Variants in SIPA1L3 observed in about 807,000 individuals in gnomAD.
The protein encoded by SIPA1L3 is signal induced proliferation associated 1 like 3.
SIPA1L3 carries 59 observed loss-of-function variants against 150.1 expected under a neutral mutation model. The ratio of observed to expected loss-of-function variants is 0.39; its 90% CI spans 0.32 to 0.49. The LOEUF is 0.49. Among genes scored for constraint, SIPA1L3 ranks in the 20% least tolerant of loss-of-function variants. The pLI is 0.86. For missense variants in SIPA1L3, 2,211 were observed against 2,489.5 expected (o/e 0.89, Z 2.38); for synonymous variants, 1,070 against 1,077.6 (o/e 0.99, Z 0.14).
At chr19:37,920,334 G>T (rs996415786) in intron 1 of SIPA1L3, among the ~76,000 whole-genome samples, 1 of 152,094 alleles carries the variant, frequency 6.6e-6, no homozygotes, top group African/African-American at 2.4e-5. Context: ...TGAGATTACA[G>T]GCATGAGCCC....
At chr19:37,959,066 A>T (rs923101753) in intron 1 of SIPA1L3, among the ~76,000 whole-genome samples, 9 of 152,248 alleles carry the variant, frequency 5.9e-5, no homozygotes, top group African/African-American at 2.2e-4. Context: ...GAACCCTCAT[A>T]CATGGCTGGT....
intron 9 of SIPA1L3, among the ~76,000 whole-genome samples, chr19:38,125,707 C>T (rs1971155831): frequency 1.3e-5 from 2 of 152,306 alleles, no homozygotes; most frequent in South Asian, 2.1e-4. Context: ...ACACTCTCCC[C>T]GGCAGGCTGA....
Position 38,164,632 on chromosome 19 carries a change from G to A in SIPA1L3, c.3934G>A (p.Asp1312Asn), listed in dbSNP as rs143141927. The A allele has an allele frequency of 3.0e-4, 492 of 1,613,784 alleles. No individual in the cohort carries two copies. Among genetic ancestry groups the A allele is most frequent in the Non-Finnish European group, 4.0e-4 (471 of 1,179,964 alleles). The part of the protein sequence containing the change: ...SKGGSSDSGI[D>N]TTLYTSSPSC... Reference sequence around the variant, plus strand: ...GGGTGGCTCTAGTGACAGCGGCATCGACACCACCCTCTACACCTCCAGCCC... The same window carrying A: ...GGGTGGCTCTAGTGACAGCGGCATCAACACCACCCTCTACACCTCCAGCCC... The change falls in exon 15 of 22, where the codon GAC (aspartate) becomes AAC (asparagine). Residue 1312 changes from aspartate (D) to asparagine (N), a missense_variant. By Grantham distance (23) the Asp-to-Asn change is conservative. Transcript: ENST00000222345. This position sits in a 1 kb window ranked among gnomAD's most constrained non-coding sequence, Gnocchi z 4.1.
In SIPA1L3 at chr19:37,957,025, C is replaced by T. The variant is rs188672319; in HGVS notation, c.-379+49667C>T. Reference sequence around the variant, plus strand: ...TTTTTGCGTATTAATATCCAATTATCCCAGCTCCATTTGTTGAAAAAAAGA... The same window carrying T: ...TTTTTGCGTATTAATATCCAATTATTCCAGCTCCATTTGTTGAAAAAAAGA... On this transcript the variant is annotated intron_variant, in intron 1 of 21. Coordinates refer to ENST00000222345, the MANE Select transcript of SIPA1L3 (RefSeq NM_015073.3). Among the ~76,000 whole-genome samples the T allele has an allele frequency of 2.0e-5, 3 of 152,158 alleles. No individual in the cohort carries two copies. The East Asian group carries it at 5.8e-4, about 29-fold the overall frequency.
intron 1 of SIPA1L3, among the ~76,000 whole-genome samples, chr19:37,912,026 T>G (rs1281702488): frequency 6.6e-6 from 1 of 151,636 alleles, no homozygotes; most frequent in Non-Finnish European, 1.5e-5. Context: ...GAGCCAAGAT[T>G]GTGCCACTGC....
At chr19:38,148,401 C>T (rs1600136488) in intron 12 of SIPA1L3, among the ~76,000 whole-genome samples, 3 of 151,770 alleles carry the variant, frequency 2.0e-5, no homozygotes, top group African/African-American at 4.8e-5. Context: ...GCCCACCCCT[C>T]AACCCCTGGC....
intron 12 of SIPA1L3, among the ~76,000 whole-genome samples, chr19:38,144,381 G>T (rs992301800): frequency 6.6e-6 from 1 of 152,260 alleles, no homozygotes; most frequent in South Asian, 2.1e-4. Flanking sequence ...GATGGAGTGA[G>T]TGGGTTTGTT....
At chr19:38,199,188 G>T (rs1373454079) in intron 19 of SIPA1L3, among the ~76,000 whole-genome samples, 1 of 152,200 alleles carries the variant, frequency 6.6e-6, no homozygotes, top group East Asian at 1.9e-4. Flanking sequence ...TGTGCTGGAA[G>T]TCCGTGCTGA....
intron 1 of SIPA1L3, among the ~76,000 whole-genome samples, chr19:37,994,252 T>G (rs542440692): frequency 4.8e-4 from 73 of 152,316 alleles, no homozygotes; most frequent in Admixed American, 7.8e-4. Flanking sequence ...TGGCTATTTC[T>G]GCATTGGGTG....
chr19:38,066,065 T>A lies in SIPA1L3; in HGVS notation c.-310-15191T>A, dbSNP rs1260306256. On this transcript the variant is annotated intron_variant, in intron 2 of 21. Transcript: ENST00000222345. ...GTCTTGCTCTGTTGCCTGGGCTTGA[T>A]CTCTTGAGGAGATCCTGGCTAACTG... Among the ~76,000 whole-genome samples the A allele has an allele frequency of 2.6e-5, 4 of 151,528 alleles. No homozygotes were observed. In the South Asian group the frequency reaches 8.3e-4, roughly 32 times the overall value.
chr19:38,182,073 C>T (rs904965613), intron 15 of SIPA1L3, among the ~76,000 whole-genome samples: 1 of 143,756 alleles, frequency 7.0e-6, no homozygotes, highest in Non-Finnish European at 1.5e-5. Flanking sequence ...GCTGGGAGGT[C>T]GAGCCTGCAG....
At chr19:38,114,713 T>C (rs1970843199) in intron 8 of SIPA1L3, among the ~76,000 whole-genome samples, 1 of 152,230 alleles carries the variant, frequency 6.6e-6, no homozygotes, top group South Asian at 2.1e-4. Context: ...ACCATTACTT[T>C]AGTCAGCATT....
At chr19:38,006,960 A>G (rs951454247) in intron 1 of SIPA1L3, among the ~76,000 whole-genome samples, 1 of 152,194 alleles carries the variant, frequency 6.6e-6, no homozygotes, top group Non-Finnish European at 1.5e-5. Flanking sequence ...GCGGAATACC[A>G]TGCGGCCGGG....
intron 1 of SIPA1L3, among the ~76,000 whole-genome samples, chr19:37,936,910 C>T (rs1303530027): frequency 6.6e-6 from 1 of 152,252 alleles, no homozygotes; most frequent in East Asian, 1.9e-4. Flanking sequence ...TTGGTCTCAT[C>T]TGTCAGTAAC....
Position 38,141,186 on chromosome 19 carries a change from G to A in SIPA1L3, c.3146G>A (p.Gly1049Asp), listed in dbSNP as rs757327402. 7 of 1,583,924 alleles carry A rather than the reference G, an allele frequency of 4.4e-6. No individual in the cohort carries two copies. The highest frequency in any genetic ancestry group is 1.7e-5 in the Admixed American group (1 of 57,548). ...AGTAATGCAGTTTTTCTCCCCAGGG[G>A]TTGGCCGGAGACCTACGACATGAAT... ...PPFEDGTPRR[G>D]WPETYDMNTS... is the part of the protein sequence containing the mutation. Residue 1049 changes from glycine to aspartate, a missense_variant and splice_region_variant, in exon 11 of 22, where the codon GGT becomes GAT. Gly to Asp is a moderately conservative substitution (Grantham distance 94, BLOSUM62 -1). This residue lies in a region of SIPA1L3 where 625 missense variants were observed against 804.2 expected (regional missense o/e 0.78). Transcript: ENST00000222345.
At chr19:38,048,572 T>C (rs1376907151) in intron 2 of SIPA1L3, among the ~76,000 whole-genome samples, 1 of 152,106 alleles carries the variant, frequency 6.6e-6, no homozygotes, top group African/African-American at 2.4e-5. Context: ...CTGGGTTCTG[T>C]TGTCTAGTAG....
chr19:37,983,540 G>A (rs1223973104), intron 1 of SIPA1L3, among the ~76,000 whole-genome samples: 2 of 152,170 alleles, frequency 1.3e-5, no homozygotes, highest in Non-Finnish European at 2.9e-5. Context: ...CAGGTATGCG[G>A]AGAGACCAGC....
chr19:38,072,974 C>T (rs1222633889), intron 2 of SIPA1L3, among the ~76,000 whole-genome samples: 1 of 152,244 alleles, frequency 6.6e-6, no homozygotes, highest in Non-Finnish European at 1.5e-5. Context: ...GTTGCCTGCT[C>T]TTCTAACAGA....
chr19:37,921,996 A>G (rs2046461213), intron 1 of SIPA1L3, among the ~76,000 whole-genome samples: 2 of 152,162 alleles, frequency 1.3e-5, no homozygotes. Flanking sequence ...CTCTGTCTTC[A>G]GTATAGGTGG....
Sources: allele counts gnomAD v4.1 joint callset (sites outside exome capture counted in the v4.1 genomes callset), GRCh38; gene constraint gnomAD v4.1.1; regional missense constraint gnomAD v4.1.1; non-coding constraint Gnocchi (gnomAD v3.1); transcripts MANE v1.5; gene names NCBI Gene and HGNC (gene_info 2026-07-23, HGNC 2026-07-21).